Variants in PRH1 observed in about 807,000 individuals in gnomAD.
PRH1 encodes salivary acidic proline-rich phosphoprotein 1/2.
PRH1 carries 7 observed loss-of-function variants against 7.9 expected under a neutral mutation model. The observed-to-expected ratio is 0.89, with a 90% CI of 0.50 to 1.67. PRH1 has a LOEUF of 1.67. PRH1 is among the 40% of genes most tolerant of loss of function. The pLI is 0.00. For missense variants in PRH1, 109 were observed against 223.6 expected, an observed-to-expected ratio of 0.49 and a Z score of 3.27; for synonymous variants, 45 against 80.8, an observed-to-expected ratio of 0.56 and a Z score of 2.38.
At chr12:10,987,291 A>C (rs1158463816) in intron 1 of PRH1, among the ~76,000 whole-genome samples, 1 of 152,144 alleles carries the variant, frequency 6.6e-6, no homozygotes, top group Non-Finnish European at 1.5e-5. Flanking sequence ...TTTACCCCCG[A>C]GTCCATCGTT....
intron 1 of PRH1, among the ~76,000 whole-genome samples, chr12:11,114,512 T>C (rs996355562): frequency 7.9e-5 from 12 of 151,408 alleles, no homozygotes; most frequent in Non-Finnish European, 1.6e-4. Flanking sequence ...CCTTTTAGGG[T>C]GAGGGGGGCT....
chr12:11,068,829 C>A (rs10845298), intron 1 of PRH1, among the ~76,000 whole-genome samples: 5 of 151,860 alleles, frequency 3.3e-5, no homozygotes, highest in African/African-American at 9.7e-5. Context: ...GTGGGTCACC[C>A]TCACTCTGAT....
chr12:11,053,561 T>G (rs1281300659), intron 1 of PRH1, among the ~76,000 whole-genome samples: 1 of 152,276 alleles, frequency 6.6e-6, no homozygotes, highest in Non-Finnish European at 1.5e-5. Flanking sequence ...TGACATGAAC[T>G]TTGCTGTTTA....
intron 1 of PRH1, among the ~76,000 whole-genome samples, chr12:11,020,363 G>GATATATGT (rs1941545453): frequency 1.1e-5 from 1 of 87,584 alleles, no homozygotes; most frequent in Non-Finnish European, 2.3e-5. Flanking sequence ...TATGATAAGC[G>GATATATGT]ATATATATAT....
At chr12:10,881,727 C>T (rs1287200428) in intron 3 of PRH1, among the ~76,000 whole-genome samples, 1 of 152,082 alleles carries the variant, frequency 6.6e-6, no homozygotes, top group Non-Finnish European at 1.5e-5. Flanking sequence ...CATTTCGGTT[C>T]AGTGAGATTA....
At chr12:11,060,859 T>C (rs1350976199) in intron 1 of PRH1, among the ~76,000 whole-genome samples, 3 of 152,388 alleles carry the variant, frequency 2.0e-5, no homozygotes, top group African/African-American at 7.2e-5. Context: ...TCCTTATTAT[T>C]GATTTAGAAT....
At chr12:10,883,583 G>A (rs1949443577) in intron 1 of PRH1, among the ~76,000 whole-genome samples, 1 of 152,110 alleles carries the variant, frequency 6.6e-6, no homozygotes, top group South Asian at 2.1e-4. Flanking sequence ...TTCTCAACAG[G>A]AGCCACCAGA....
At chr12:10,917,775 T>C (rs548134083) in intron 2 of PRH1, among the ~76,000 whole-genome samples, 19 of 152,342 alleles carry the variant, frequency 1.2e-4, no homozygotes, top group African/African-American at 4.3e-4. Flanking sequence ...AAACCAGCAG[T>C]ACTGAGTCAG....
At chr12:11,061,341 A>G in intron 1 of PRH1, 1 of 1,593,470 alleles carries the variant, frequency 6.3e-7, no homozygotes, top group Non-Finnish European at 8.5e-7. Flanking sequence ...CTGCTAGAAG[A>G]TACACAATGC....
intron 1 of PRH1, among the ~76,000 whole-genome samples, chr12:11,157,395 G>GGGC: frequency 6.6e-6 from 1 of 152,168 alleles, no homozygotes; most frequent in Non-Finnish European, 1.5e-5. Context: ...GTTAGACATG[G>GGGC]GGCTTTGTGC....
Position 10,882,380 on chromosome 12 carries a change from C to G in PRH1, c.419G>C (p.Arg140Pro), listed in dbSNP as rs375583668. The G allele has an allele frequency of 6.3e-7, 1 of 1,599,462 alleles. No individual in the cohort carries two copies. The highest frequency in any genetic ancestry group is 1.4e-5 in the African/African-American group (1 of 73,112). ...QGPPQQGGHP[R>P]PPRGRPQGPP... Reference sequence around the variant, plus strand: ...TCCTTGTGGCCTTCCTCGAGGAGGACGGGGATGGCCTCCCTGTTGGGGTGG... The same window carrying G: ...TCCTTGTGGCCTTCCTCGAGGAGGAGGGGGATGGCCTCCCTGTTGGGGTGG... The change falls in exon 3 of 4, where the codon CGT becomes CCT. Residue 140 changes from arginine (R) to proline (P), a missense_variant. Physicochemically the swap from Arg to Pro is moderately radical, Grantham distance 103. This residue lies in a region of PRH1 where 45 missense variants were observed against 88.8 expected (regional missense o/e 0.51). Coordinates refer to ENST00000543626, the MANE Select transcript of PRH1 (RefSeq NM_001393989.1).
chr12:10,900,505 C>T (rs1338859525), intron 2 of PRH1, among the ~76,000 whole-genome samples: 1 of 151,920 alleles, frequency 6.6e-6, no homozygotes, highest in Non-Finnish European at 1.5e-5. Flanking sequence ...CCTCCATGGC[C>T]AGAATTGTGG....
At chr12:10,997,605 T>C in intron 1 of PRH1, 2 of 1,614,040 alleles carry the variant, frequency 1.2e-6, no homozygotes, top group South Asian at 1.1e-5. Context: ...AAATGATTGG[T>C]TACTGCCCAG....
chr12:10,899,041 G>T (rs4763222), intron 2 of PRH1, among the ~76,000 whole-genome samples: 74,051 of 152,080 alleles, frequency 0.49, 20,638 homozygotes, highest in East Asian at 0.72. Flanking sequence ...TTTTGTACTT[G>T]CGTGGTGCCT....
chr12:11,111,411 T>TC (rs1483179054), intron 1 of PRH1, among the ~76,000 whole-genome samples: 1 of 152,102 alleles, frequency 6.6e-6, no homozygotes, highest in East Asian at 1.9e-4. Context: ...AGTGAAACAC[T>TC]CCTCAGCAAA....
At chr12:10,995,905 T>C (rs1425370256) in intron 1 of PRH1, among the ~76,000 whole-genome samples, 2 of 152,120 alleles carry the variant, frequency 1.3e-5, no homozygotes, top group Admixed American at 6.6e-5. Context: ...CATACTATAT[T>C]AAATATAATA....
chr12:10,950,127 G>A (rs1210390682), intron 2 of PRH1, among the ~76,000 whole-genome samples: 3 of 152,038 alleles, frequency 2.0e-5, no homozygotes, highest in African/African-American at 7.3e-5. Flanking sequence ...TACCGCATAA[G>A]TATGCCATAA....
intron 2 of PRH1, among the ~76,000 whole-genome samples, chr12:10,901,997 C>G (rs1178045506): frequency 6.6e-6 from 1 of 152,098 alleles, no homozygotes; most frequent in African/African-American, 2.4e-5. Flanking sequence ...CACAGTACCT[C>G]TCCAGCAATG....
chr12:11,124,614 T>TC (rs1037694562), intron 1 of PRH1, among the ~76,000 whole-genome samples: 1 of 152,274 alleles, frequency 6.6e-6, no homozygotes, highest in Non-Finnish European at 1.5e-5. Flanking sequence ...AACGTAAATT[T>TC]CCCACAATGA....
Sources: allele counts gnomAD v4.1 joint callset (sites outside exome capture counted in the v4.1 genomes callset), GRCh38; gene constraint gnomAD v4.1.1; regional missense constraint gnomAD v4.1.1; transcripts MANE v1.5; gene names NCBI Gene and HGNC (gene_info 2026-07-23, HGNC 2026-07-21).